Variants in ROBO2 observed in about 807,000 individuals in gnomAD.
ROBO2 encodes roundabout homolog 2.
In ROBO2, 53 loss-of-function variants were observed where a neutral mutation model predicts 160.8. That is an observed-to-expected ratio of 0.33 (90% CI 0.26 to 0.41). The LOEUF is 0.41. Among genes scored for constraint, ROBO2 ranks in the 10% least tolerant of loss-of-function variants. ROBO2 has a pLI of 1.00. For missense variants in ROBO2, 1,577 were observed against 1,722.4 expected, an observed-to-expected ratio of 0.92 and a Z score of 1.49; for synonymous variants, 664 against 611.7, an observed-to-expected ratio of 1.09 and a Z score of -1.26.
At chr3:77,324,245 A>G (rs1320704473) in intron 2 of ROBO2, among the ~76,000 whole-genome samples, 2 of 152,194 alleles carry the variant, frequency 1.3e-5, no homozygotes, top group African/African-American at 2.4e-5. Context: ...TGTTCCTAGC[A>G]TGGACTCAAA....
intron 2 of ROBO2, among the ~76,000 whole-genome samples, chr3:77,202,199 T>A (rs1208300320): frequency 6.6e-6 from 1 of 152,166 alleles, no homozygotes; most frequent in Non-Finnish European, 1.5e-5. Flanking sequence ...CATTGAGTTT[T>A]TTCTGAGTTT....
intron 2 of ROBO2, among the ~76,000 whole-genome samples, chr3:76,558,986 GT>G (rs2083986656): frequency 1.3e-5 from 2 of 152,006 alleles, no homozygotes; most frequent in Non-Finnish European, 2.9e-5. Flanking sequence ...ACAAACCTAG[GT>G]CTCTATTTTT....
chr3:76,126,215 T>G (rs139838242), intron 2 of ROBO2, among the ~76,000 whole-genome samples: 1,962 of 152,196 alleles, frequency 0.013, 24 homozygotes, highest in Middle Eastern at 0.065. Flanking sequence ...AAGTGTAGAG[T>G]GCAATTACCT....
intron 2 of ROBO2, among the ~76,000 whole-genome samples, chr3:76,675,436 AG>A (rs58796529): frequency 0.46 from 69,680 of 151,826 alleles, 16,390 homozygotes; most frequent in African/African-American, 0.56. Flanking sequence ...GGGGGGAAAA[AG>A]AAACGAAAAC....
chr3:76,977,442 C>T (rs1178662661), intron 2 of ROBO2, among the ~76,000 whole-genome samples: 4 of 152,014 alleles, frequency 2.6e-5, no homozygotes, highest in Non-Finnish European at 5.9e-5. Flanking sequence ...ATTATAGGTA[C>T]ATGGAAATTG....
intron 2 of ROBO2, among the ~76,000 whole-genome samples, chr3:76,115,023 A>T (rs572399284): frequency 6.6e-6 from 1 of 152,156 alleles, no homozygotes; most frequent in Non-Finnish European, 1.5e-5. Context: ...TTTCATTCCA[A>T]TGGATTTTAA....
At chr3:76,138,961 T>G (rs2071530224) in intron 2 of ROBO2, among the ~76,000 whole-genome samples, 1 of 152,152 alleles carries the variant, frequency 6.6e-6, no homozygotes, top group Non-Finnish European at 1.5e-5. Flanking sequence ...TTATATGGAA[T>G]TTGCTCCAAG....
At chr3:76,377,556 T>C (rs558418276) in intron 2 of ROBO2, among the ~76,000 whole-genome samples, 62 of 152,310 alleles carry the variant, frequency 4.1e-4, no homozygotes, top group African/African-American at 1.5e-3. Context: ...TTGTTCATTT[T>C]ATCCCTGCTA....
At chr3:77,024,517 T>G (rs1330227312) in intron 2 of ROBO2, among the ~76,000 whole-genome samples, 1 of 152,102 alleles carries the variant, frequency 6.6e-6, no homozygotes, top group African/African-American at 2.4e-5. Flanking sequence ...AATGCTATGA[T>G]CTGGTGTTTA....
intron 2 of ROBO2, among the ~76,000 whole-genome samples, chr3:76,580,961 C>A (rs1037579404): frequency 2.0e-5 from 3 of 152,106 alleles, no homozygotes; most frequent in African/African-American, 7.2e-5. Flanking sequence ...AATAGCAGAA[C>A]AGTAGTTCTG....
In ROBO2 at chr3:77,111,021, C is replaced by T. The variant is rs536906334; in HGVS notation, c.388+12681C>T. ...AAACTATAAAATGTTTAAAAAATAA[C>T]GAAGGAGAAAATCCTTTGTGTCTAG... On this transcript the variant is annotated intron_variant, in intron 2 of 25. Coordinates refer to ENST00000461745, the Ensembl canonical transcript of ROBO2. Among the ~76,000 whole-genome samples the T allele has an allele frequency of 1.8e-4, 27 of 152,024 alleles. No homozygotes were observed. The East Asian group carries it at 4.4e-3, about 25-fold the overall frequency.
In ROBO2 at chr3:77,322,820, ATTATAATATATTATG is replaced by A. The variant is rs1227398052; in HGVS notation, c.389-154592_389-154578del. 3.6e-4 allele frequency among the ~76,000 whole-genome samples: 43 copies of A among 118,910 alleles called. 1 individual carries two copies. The highest frequency in any genetic ancestry group is 5.3e-4 in the Non-Finnish European group (32 of 60,942). The allele number at this position is 118,910 out of a possible 152,430, so 78.0% of individuals were successfully genotyped here. On this transcript the variant is annotated intron_variant, in intron 2 of 25. Coordinates refer to ENST00000461745, the Ensembl canonical transcript of ROBO2. ...GTAATATATTATATTATACATATGT[ATTATAATATATTATG>A]TAATATATTATATTATACATATGTA... is the stretch of plus-strand genomic sequence containing the variant.
intron 14 of ROBO2, among the ~76,000 whole-genome samples, chr3:77,576,433 T>C (rs2093765871): frequency 6.6e-6 from 1 of 152,142 alleles, no homozygotes; most frequent in Admixed American, 6.6e-5. Context: ...TAAAAAGCCA[T>C]TAATACCACC....
intron 2 of ROBO2, among the ~76,000 whole-genome samples, chr3:76,636,384 T>C (rs888827649): frequency 6.6e-6 from 1 of 152,110 alleles, no homozygotes; most frequent in Non-Finnish European, 1.5e-5. Flanking sequence ...GAAGTTGCAG[T>C]TAGTGATAAT....
chr3:76,558,299 G>A (rs1252982640), intron 2 of ROBO2, among the ~76,000 whole-genome samples: 1 of 151,920 alleles, frequency 6.6e-6, no homozygotes, highest in Non-Finnish European at 1.5e-5. Context: ...TATTCCAAGA[G>A]GCATGAAAAT....
intron 2 of ROBO2, among the ~76,000 whole-genome samples, chr3:76,306,625 A>G (rs1482609669): frequency 6.6e-6 from 1 of 152,316 alleles, no homozygotes; most frequent in African/African-American, 2.4e-5. Context: ...AAGAGAGCTT[A>G]AACGCTGGAA....
intron 2 of ROBO2, among the ~76,000 whole-genome samples, chr3:76,313,127 G>A (rs1302924906): frequency 6.6e-6 from 1 of 152,168 alleles, no homozygotes; most frequent in Non-Finnish European, 1.5e-5. Context: ...AAAGAATTCT[G>A]TGTATTTTTT....
At chr3:77,337,530 A>G (rs976809487) in intron 2 of ROBO2, among the ~76,000 whole-genome samples, 1 of 152,180 alleles carries the variant, frequency 6.6e-6, no homozygotes, top group East Asian at 1.9e-4. Context: ...AGTTTACAAT[A>G]TTTTTCAAAA....
intron 2 of ROBO2, among the ~76,000 whole-genome samples, chr3:76,221,589 C>T (rs1371322539): frequency 1.3e-5 from 2 of 152,204 alleles, no homozygotes; most frequent in Non-Finnish European, 2.9e-5. Flanking sequence ...AGAGAATATA[C>T]AACCTTCTGC....
Sources: gnomAD v4.1 joint callset for allele counts (sites outside exome capture counted in the v4.1 genomes callset) on GRCh38, gnomAD v4.1.1 for gene constraint, MANE v1.5 for transcripts, NCBI Gene and HGNC (gene_info 2026-07-23, HGNC 2026-07-21) for gene names.